Variants in CSMD1 observed in about 807,000 individuals in gnomAD.
The protein encoded by CSMD1 is CUB and sushi domain-containing protein 1.
Under a neutral mutation model 417.5 loss-of-function variants are expected in CSMD1, and 213 were observed. The ratio of observed to expected loss-of-function variants is 0.51; its 90% CI spans 0.46 to 0.57. CSMD1 has a LOEUF of 0.57. CSMD1 is among the 20% of genes least tolerant of loss of function. The pLI, the probability that CSMD1 is intolerant of heterozygous loss-of-function variation, is 0.00. For missense variants in CSMD1, 6,923 were observed against 4,529.7 expected, an observed-to-expected ratio of 1.53 and a Z score of -15.17; for synonymous variants, 2,862 against 1,736.8, an observed-to-expected ratio of 1.65 and a Z score of -16.11.
chr8:3,674,816 T>C (rs1799288976), intron 7 of CSMD1, among the ~76,000 whole-genome samples: 1 of 152,190 alleles, frequency 6.6e-6, no homozygotes, highest in African/African-American at 2.4e-5. Context: ...CAAATGAGGC[T>C]GCACTGAAGT....
At chr8:3,866,195 T>C (rs1046063415) in intron 5 of CSMD1, among the ~76,000 whole-genome samples, 1 of 152,230 alleles carries the variant, frequency 6.6e-6, no homozygotes, top group African/African-American at 2.4e-5. Context: ...TAAGCCTAAA[T>C]GAGTAAAGCA....
chr8:3,059,747 T>C (rs1812466583), intron 49 of CSMD1, among the ~76,000 whole-genome samples: 1 of 151,858 alleles, frequency 6.6e-6, no homozygotes, highest in Admixed American at 6.6e-5. Context: ...AGGGGAAAGA[T>C]GTGGATGGAC....
At chr8:3,547,975 T>A (rs1181022406) in intron 10 of CSMD1, among the ~76,000 whole-genome samples, 6 of 152,058 alleles carry the variant, frequency 3.9e-5, no homozygotes, top group Admixed American at 3.9e-4. Context: ...CCTATTTGGA[T>A]ATGGTAAAGA....
rs530832897 is a variant in CSMD1, at chr8:4,477,201, CCAGCCCAGG to C, written c.303-57145_303-57137del. On this transcript the variant is annotated intron_variant, in intron 2 of 69. Transcript: ENST00000635120. Reference sequence around the variant, plus strand: ...CCTGCGCAGACACCTCCAGCTGAGCCCAGCCCAGGTGAGAGGGCTCCCAGTGACAGAGCT... The same window carrying C: ...CCTGCGCAGACACCTCCAGCTGAGCCTGAGAGGGCTCCCAGTGACAGAGCT... Among the ~76,000 whole-genome samples, 45 of 152,316 alleles carry C rather than the reference CCAGCCCAGG, an allele frequency of 3.0e-4. No individual in the cohort carries two copies. In the East Asian group the frequency reaches 8.3e-3, roughly 28 times the overall value.
intron 1 of CSMD1, among the ~76,000 whole-genome samples, chr8:4,698,283 A>G (rs1307081724): frequency 1.3e-5 from 2 of 152,284 alleles, no homozygotes; most frequent in East Asian, 3.9e-4. Context: ...AATGCTGTAT[A>G]AAGGCTCGTT....
chr8:4,037,642 T>G (rs182238591), intron 3 of CSMD1, among the ~76,000 whole-genome samples: 272 of 152,248 alleles, frequency 1.8e-3, no homozygotes, highest in African/African-American at 6.3e-3. Context: ...GGTGTGCTTA[T>G]CTACTGAAAA....
chr8:4,051,071 C>T (rs1198905520), intron 3 of CSMD1, among the ~76,000 whole-genome samples: 3 of 151,884 alleles, frequency 2.0e-5, no homozygotes, highest in East Asian at 1.9e-4. Context: ...TGTTTTGAAG[C>T]GCACTGCCCT....
intron 12 of CSMD1, among the ~76,000 whole-genome samples, chr8:3,450,236 G>A (rs543588618): frequency 6.6e-5 from 10 of 152,162 alleles, no homozygotes; most frequent in South Asian, 4.1e-4. Context: ...TGACTTCATG[G>A]TCTTTCTCTG....
chr8:4,245,338 G>A (rs974866730), intron 3 of CSMD1, among the ~76,000 whole-genome samples: 1 of 152,204 alleles, frequency 6.6e-6, no homozygotes, highest in African/African-American at 2.4e-5. Flanking sequence ...AGGCTGCAGA[G>A]GGTTGGGGTG....
chr8:4,586,550 T>C (rs1230315259), intron 2 of CSMD1, among the ~76,000 whole-genome samples: 1 of 152,012 alleles, frequency 6.6e-6, no homozygotes, highest in Non-Finnish European at 1.5e-5. Context: ...AATGTTTTTA[T>C]GGACGTAACC....
At chr8:3,938,519 C>G (rs1043373600) in intron 5 of CSMD1, among the ~76,000 whole-genome samples, 3 of 152,088 alleles carry the variant, frequency 2.0e-5, no homozygotes, top group Non-Finnish European at 2.9e-5. Context: ...CAACAATGGA[C>G]AGACTCTGTT....
At chr8:3,100,521 A>G (rs564148761) in intron 46 of CSMD1, among the ~76,000 whole-genome samples, 4 of 152,314 alleles carry the variant, frequency 2.6e-5, no homozygotes, top group African/African-American at 9.6e-5. Context: ...CTTAGCAGCA[A>G]TCACACATTA....
intron 1 of CSMD1, among the ~76,000 whole-genome samples, chr8:4,671,089 G>C (rs1274655005): frequency 6.6e-6 from 1 of 152,194 alleles, no homozygotes; most frequent in Non-Finnish European, 1.5e-5. Context: ...CTGCTGGTTT[G>C]AATCTGTGGC....
chr8:3,750,800 T>A (rs957921186), intron 6 of CSMD1, among the ~76,000 whole-genome samples: 5 of 152,158 alleles, frequency 3.3e-5, no homozygotes, highest in African/African-American at 1.2e-4. Flanking sequence ...CCTAAGCTGT[T>A]GCTCTGTCTC....
rs570565797 is a variant in CSMD1, at chr8:4,401,717, G to A, written c.415+18236C>T. Among the ~76,000 whole-genome samples the A allele has an allele frequency of 2.0e-5, 3 of 152,158 alleles. No homozygotes were observed. In the East Asian group the frequency reaches 5.8e-4, roughly 29 times the overall value. On this transcript the variant is annotated intron_variant, in intron 3 of 69. Coordinates refer to ENST00000635120, the MANE Select transcript of CSMD1 (RefSeq NM_033225.6). ...CTCCCATCTAATCCTCCTTCTTTGA[G>A]AATTCCCTTAACATTCCACCTGAAG...
At chr8:3,631,831 C>G (rs1444980252) in intron 7 of CSMD1, among the ~76,000 whole-genome samples, 1 of 152,114 alleles carries the variant, frequency 6.6e-6, no homozygotes, top group Non-Finnish European at 1.5e-5. Flanking sequence ...AGTGACTTGA[C>G]ATTCTTAATT....
At chr8:3,536,786 C>T (rs1234837049) in intron 10 of CSMD1, among the ~76,000 whole-genome samples, 1 of 152,252 alleles carries the variant, frequency 6.6e-6, no homozygotes, top group Admixed American at 6.5e-5. Flanking sequence ...TAAGTCATCT[C>T]TTCAGCACCG....
intron 39 of CSMD1, among the ~76,000 whole-genome samples, chr8:3,152,624 G>C (rs1005947516): frequency 2.0e-5 from 3 of 152,136 alleles, no homozygotes; most frequent in African/African-American, 7.2e-5. Flanking sequence ...CCATATTCTG[G>C]ATTTCAAACA....
intron 2 of CSMD1, among the ~76,000 whole-genome samples, chr8:4,441,113 T>TTTTTTTTTTTTTTTTTTTTA: frequency 7.4e-6 from 1 of 135,940 alleles, no homozygotes; most frequent in Non-Finnish European, 1.6e-5. Flanking sequence ...TTTTTTTTTT[T>TTTTTTTTTTTTTTTTTTTTA]TTTTTAAGAG....
Sources: gnomAD v4.1 joint callset for allele counts (sites outside exome capture counted in the v4.1 genomes callset) on GRCh38, gnomAD v4.1.1 for gene constraint, MANE v1.5 for transcripts, NCBI Gene and HGNC (gene_info 2026-07-23, HGNC 2026-07-21) for gene names.